The following DSCAM variants were observed in gnomAD, a reference collection of about 807,000 sequenced individuals.
DSCAM encodes the protein cell adhesion molecule DSCAM.
Under a neutral mutation model 217.7 loss-of-function variants are expected in DSCAM, and 47 were observed. That is an observed-to-expected ratio of 0.22 (90% CI 0.17 to 0.28). The LOEUF (loss-of-function observed/expected upper bound fraction) is 0.28, where lower values mean the gene tolerates loss of function less well. Ranked by LOEUF, DSCAM falls within the 10% of genes least tolerant of loss-of-function variation. The probability of loss-of-function intolerance (pLI) is 1.00; values close to 1 mark genes in which losing one functional copy is unlikely to be tolerated. For synonymous variants in DSCAM, 1,056 were observed against 1,015.3 expected, an observed-to-expected ratio of 1.04 and a Z score of -0.76; for missense variants, 2,080 against 2,618.3, an observed-to-expected ratio of 0.79 and a Z score of 4.49.
chr21:40,298,471 T>A (rs150243886), intron 9 of DSCAM, among the ~76,000 whole-genome samples: 31 of 152,318 alleles, frequency 2.0e-4, no homozygotes, highest in African/African-American at 7.5e-4. Flanking sequence ...GCTTAAGTGA[T>A]AAGCAATGTT....
At chr21:40,820,977 C>A (rs559887901) in intron 1 of DSCAM, among the ~76,000 whole-genome samples, 1 of 151,314 alleles carries the variant, frequency 6.6e-6, no homozygotes, top group South Asian at 2.1e-4. Context: ...AACCAGATAT[C>A]CAGACATATA....
intron 3 of DSCAM, among the ~76,000 whole-genome samples, chr21:40,640,571 T>C (rs971730339): frequency 6.6e-6 from 1 of 152,144 alleles, no homozygotes. Flanking sequence ...GTTTAGCTAA[T>C]GGATAACCGA....
intron 3 of DSCAM, among the ~76,000 whole-genome samples, chr21:40,372,142 T>C (rs1471443062): frequency 2.0e-5 from 3 of 152,152 alleles, no homozygotes; most frequent in South Asian, 2.1e-4. Context: ...GCACCAAATA[T>C]GTCAGCCCTG....
chr21:40,434,078 T>C (rs1029552759), intron 3 of DSCAM, among the ~76,000 whole-genome samples: 10 of 152,246 alleles, frequency 6.6e-5, no homozygotes, highest in African/African-American at 2.4e-4. Context: ...GGCCCTCGCA[T>C]GGCTGCCTGT....
chr21:40,389,269 C>A (rs2075113377), intron 3 of DSCAM, among the ~76,000 whole-genome samples: 2 of 152,134 alleles, frequency 1.3e-5, no homozygotes, highest in South Asian at 2.1e-4. Context: ...AACCATCTTT[C>A]TTTCATTTCC....
At chr21:40,362,610 T>C (rs2074779880) in intron 4 of DSCAM, among the ~76,000 whole-genome samples, 1 of 152,222 alleles carries the variant, frequency 6.6e-6, no homozygotes, top group African/African-American at 2.4e-5. Context: ...ATTCAGTAGA[T>C]ATAATTATTC....
chr21:40,179,880 G>A (rs544435820), intron 14 of DSCAM, among the ~76,000 whole-genome samples: 9 of 152,302 alleles, frequency 5.9e-5, no homozygotes, highest in African/African-American at 2.2e-4. Flanking sequence ...GGCAGTTGTT[G>A]ACTGTAGGTG....
intron 3 of DSCAM, among the ~76,000 whole-genome samples, chr21:40,614,223 T>C (rs2089356360): frequency 1.3e-5 from 2 of 152,200 alleles, no homozygotes; most frequent in South Asian, 2.1e-4. Flanking sequence ...ATGCAGGCTG[T>C]AGACCACCCT....
At chr21:40,046,082 G>A (rs976919735) in intron 30 of DSCAM, among the ~76,000 whole-genome samples, 1 of 152,148 alleles carries the variant, frequency 6.6e-6, no homozygotes, top group Non-Finnish European at 1.5e-5. Context: ...ACCACATATG[G>A]CCAAATCCTG....
chr21:40,270,948 C>G (rs1223727712), intron 11 of DSCAM, among the ~76,000 whole-genome samples: 10 of 152,232 alleles, frequency 6.6e-5, no homozygotes, highest in African/African-American at 2.4e-4. Flanking sequence ...CATAGATACA[C>G]ATGTTTTCAA....
intron 11 of DSCAM, among the ~76,000 whole-genome samples, chr21:40,226,620 C>T (rs1056833040): frequency 6.6e-6 from 1 of 152,182 alleles, no homozygotes; most frequent in African/African-American, 2.4e-5. Context: ...CAGGCTGTAA[C>T]AAATGAACCC....
intron 15 of DSCAM, among the ~76,000 whole-genome samples, chr21:40,174,450 C>A (rs1425985005): frequency 1.3e-5 from 2 of 151,952 alleles, no homozygotes; most frequent in Non-Finnish European, 2.9e-5. Flanking sequence ...CCCATGGTGG[C>A]CAGACTTCAT....
intron 3 of DSCAM, among the ~76,000 whole-genome samples, chr21:40,410,173 A>C (rs1204185777): frequency 6.6e-6 from 1 of 152,138 alleles, no homozygotes; most frequent in African/African-American, 2.4e-5. Context: ...ATTAAACCCA[A>C]GTAAGACTTT....
intron 3 of DSCAM, among the ~76,000 whole-genome samples, chr21:40,445,002 G>T (rs2075662987): frequency 6.6e-6 from 1 of 152,188 alleles, no homozygotes; most frequent in African/African-American, 2.4e-5. Context: ...TGGTTCTGGA[G>T]CCTGGGGAAT....
intron 1 of DSCAM, among the ~76,000 whole-genome samples, chr21:40,730,936 AC>A (rs1050529223): frequency 6.6e-6 from 1 of 152,204 alleles, no homozygotes; most frequent in African/African-American, 2.4e-5. Flanking sequence ...TAAACCTATG[AC>A]CCCAAGTCAC....
At chr21:40,654,305 G>A (rs1436157840) in intron 3 of DSCAM, among the ~76,000 whole-genome samples, 2 of 152,156 alleles carry the variant, frequency 1.3e-5, no homozygotes, top group Admixed American at 6.5e-5. Context: ...GGAGCTCTAG[G>A]TTGAGTCCTA....
In DSCAM at chr21:40,330,311, T is replaced by G. The variant is rs546907071; in HGVS notation, c.1783+7790A>C. On this transcript the variant is annotated intron_variant, in intron 8 of 32. Coordinates refer to ENST00000400454, the MANE Select transcript of DSCAM (RefSeq NM_001389.5). Reference sequence around the variant, plus strand: ...ATTATATGCATATATTTATATATAATAAATTATATATTTATTATATTATAT... The same window carrying G: ...ATTATATGCATATATTTATATATAAGAAATTATATATTTATTATATTATAT... Among the ~76,000 whole-genome samples the G allele has an allele frequency of 2.1e-3, 314 of 147,160 alleles. 2 individuals carry two copies. The highest frequency in any genetic ancestry group is 7.4e-3 in the African/African-American group (299 of 40,652).
At chr21:40,658,293 T>C (rs903706846) in intron 3 of DSCAM, among the ~76,000 whole-genome samples, 8 of 152,200 alleles carry the variant, frequency 5.3e-5, no homozygotes, top group African/African-American at 1.9e-4. Flanking sequence ...TTTACAAAAT[T>C]ATCATTTAAT....
At chr21:40,377,502 G>C (rs1401061235) in intron 3 of DSCAM, among the ~76,000 whole-genome samples, 1 of 152,090 alleles carries the variant, frequency 6.6e-6, no homozygotes, top group Non-Finnish European at 1.5e-5. Context: ...GGGACCTATG[G>C]GGTTGGGGTG....
Sources: allele counts gnomAD v4.1 joint callset (sites outside exome capture counted in the v4.1 genomes callset), GRCh38; gene constraint gnomAD v4.1.1; transcripts MANE v1.5; gene names NCBI Gene and HGNC (gene_info 2026-07-23, HGNC 2026-07-21).